The following RTN1 variants were observed in gnomAD, a reference collection of about 807,000 sequenced individuals.
The protein encoded by RTN1 is reticulon 1, also known as reticulon-1.
In RTN1, 25 loss-of-function variants were observed where a neutral mutation model predicts 65.5. The ratio of observed to expected loss-of-function variants is 0.38; its 90% CI spans 0.28 to 0.53. RTN1 has a LOEUF of 0.53. Among genes scored for constraint, RTN1 ranks in the 20% least tolerant of loss-of-function variants. The pLI, the probability that RTN1 is intolerant of heterozygous loss-of-function variation, is 0.79. For synonymous variants in RTN1, 471 were observed against 447.6 expected, an observed-to-expected ratio of 1.05 and a Z score of -0.66; for missense variants, 983 against 1,025.4, an observed-to-expected ratio of 0.96 and a Z score of 0.57.
In RTN1 at chr14:59,749,147, T is replaced by TATCC. The variant is rs1276478234; in HGVS notation, c.242-2667_242-2666insGGAT. Among the ~76,000 whole-genome samples the TATCC allele has an allele frequency of 3.5e-5, 4 of 113,134 alleles. 1 individual carries two copies. The highest frequency in any genetic ancestry group is 6.6e-5 in the Non-Finnish European group (4 of 60,610). 74.2% of individuals were successfully genotyped at this position (113,134 alleles called of 152,430 possible). Reference sequence around the variant, plus strand: ...ATAGATATATCTATATCTATCTATCTATCTATCTATATCTATCTATATATC... The same window carrying TATCC: ...ATAGATATATCTATATCTATCTATCTATCCATCTATCTATATCTATCTATATATC... On this transcript the variant is annotated intron_variant, in intron 1 of 8. Coordinates refer to ENST00000267484, the MANE Select transcript of RTN1 (RefSeq NM_021136.3).
At chr14:59,702,800 T>C (rs560313052) in intron 3 of RTN1, among the ~76,000 whole-genome samples, 19 of 152,324 alleles carry the variant, frequency 1.2e-4, no homozygotes, top group African/African-American at 3.8e-4. Context: ...TCCTCTGCTT[T>C]CACCCCATGG....
At chr14:59,828,004 A>G (rs1197615718) in intron 1 of RTN1, among the ~76,000 whole-genome samples, 1 of 152,228 alleles carries the variant, frequency 6.6e-6, no homozygotes, top group Non-Finnish European at 1.5e-5. Context: ...ATGTAAGACC[A>G]AAATAAGTTG....
intron 3 of RTN1, among the ~76,000 whole-genome samples, chr14:59,671,747 G>A (rs1214641376): frequency 1.3e-5 from 2 of 152,188 alleles, no homozygotes; most frequent in African/African-American, 4.8e-5. Context: ...AGGATCTAAA[G>A]CTTTTGAACC....
In RTN1 at chr14:59,774,747, G is replaced by C. The variant is rs185477746; in HGVS notation, c.242-28266C>G. 6.6e-5 allele frequency among the ~76,000 whole-genome samples: 10 copies of C among 152,288 alleles called. No individual in the cohort carries two copies. The highest frequency in any genetic ancestry group is 1.2e-4 in the Non-Finnish European group (8 of 68,022). On this transcript the variant is annotated intron_variant, in intron 1 of 8. Transcript: ENST00000267484. This position sits in a 1 kb window ranked among gnomAD's most constrained non-coding sequence, Gnocchi z 5.1. ...AGTCACCACTACTACAGTTGAGACT[G>C]AGGAGTGGTATGGTAAAATCAGCCA...
At chr14:59,783,816 C>A (rs1886200161) in intron 1 of RTN1, among the ~76,000 whole-genome samples, 2 of 147,342 alleles carry the variant, frequency 1.4e-5, no homozygotes, top group South Asian at 4.3e-4. Context: ...CAACAGCTAG[C>A]AAAATGCACT....
chr14:59,734,044 C>T (rs1884956319), intron 2 of RTN1, among the ~76,000 whole-genome samples: 1 of 152,240 alleles, frequency 6.6e-6, no homozygotes, highest in South Asian at 2.1e-4. Context: ...AGGCTGCCAT[C>T]TTTACTGTTT....
chr14:59,761,711 A>G (rs1885751454), intron 1 of RTN1, among the ~76,000 whole-genome samples: 1 of 152,192 alleles, frequency 6.6e-6, no homozygotes, highest in African/African-American at 2.4e-5. Context: ...AGGGAAATTT[A>G]TGGCCACACA....
At chr14:59,598,195 G>C (rs1208083701) in intron 8 of RTN1, among the ~76,000 whole-genome samples, 2 of 152,092 alleles carry the variant, frequency 1.3e-5, no homozygotes, top group African/African-American at 4.8e-5. Context: ...GAAGAGAGGG[G>C]AACAGTCTCA....
chr14:59,733,306 T>C (rs1238939016), intron 2 of RTN1, among the ~76,000 whole-genome samples: 1 of 152,216 alleles, frequency 6.6e-6, no homozygotes, highest in Admixed American at 6.5e-5. Context: ...TTGGCCATGC[T>C]GGTCTTGGAA....
Position 59,673,344 on chromosome 14 carries a change from CT to C in RTN1, c.1765+53574del, listed in dbSNP as rs202124204. Among the ~76,000 whole-genome samples, 953 of 152,176 alleles carry C rather than the reference CT, an allele frequency of 6.3e-3. 4 individuals carry two copies. Among genetic ancestry groups the C allele is most frequent in the Middle Eastern group, 0.02 (6 of 294 alleles). ...GAGGGAGTGGTACCCAGTGGCTTTG[CT>C]TTTTTGTGTCTGGAGCTAGGCAAAT... On this transcript the variant is annotated intron_variant, in intron 3 of 8. Coordinates refer to ENST00000267484, the MANE Select transcript of RTN1 (RefSeq NM_021136.3).
chr14:59,625,792 A>C (rs1482432442), intron 3 of RTN1, among the ~76,000 whole-genome samples: 3 of 152,184 alleles, frequency 2.0e-5, no homozygotes, highest in African/African-American at 7.2e-5. Context: ...CAAAGTTCGA[A>C]ATATTTCCTT....
chr14:59,784,297 C>T (rs370483005), intron 1 of RTN1, among the ~76,000 whole-genome samples: 11 of 152,074 alleles, frequency 7.2e-5, no homozygotes, highest in Admixed American at 2.6e-4. Context: ...CAAAATTAGC[C>T]GGGCGTGGTG....
At chr14:59,650,760 C>T (rs1311753831) in intron 3 of RTN1, among the ~76,000 whole-genome samples, 2 of 152,166 alleles carry the variant, frequency 1.3e-5, no homozygotes, top group Admixed American at 6.5e-5. Context: ...TCAGAGATAA[C>T]ACAAACAAAT....
At position 59,632,634 on chromosome 14, in the gene RTN1, G is replaced by A. The variant is rs544712587; in HGVS notation, c.1766-25142C>T. ...AGGTACCTTTACTGATGAGTATTGT[G>A]TCCACCACATTACGGGAAACAGCGT... is the stretch of plus-strand genomic sequence containing the variant. On this transcript the variant is annotated intron_variant, in intron 3 of 8. Transcript: ENST00000267484. 3.3e-5 allele frequency among the ~76,000 whole-genome samples: 5 copies of A among 152,252 alleles called. No homozygotes were observed. The South Asian group carries it at 1.0e-3, about 32-fold the overall frequency.
Position 59,769,213 on chromosome 14 carries a change from T to C in RTN1, c.242-22732A>G, listed in dbSNP as rs546481944. Reference sequence around the variant, plus strand: ...AGTAAATGTTAACTGAAAAGTATGATAGAAAGTCTTTTACATGAGGTCATG... The same window carrying C: ...AGTAAATGTTAACTGAAAAGTATGACAGAAAGTCTTTTACATGAGGTCATG... On this transcript the variant is annotated intron_variant, in intron 1 of 8. Transcript: ENST00000267484. 6.6e-5 allele frequency among the ~76,000 whole-genome samples: 10 copies of C among 152,314 alleles called. 1 individual carries two copies. The highest frequency in any genetic ancestry group is 2.0e-4 in the Admixed American group (3 of 15,300).
At chr14:59,792,609 G>A (rs1227983009) in intron 1 of RTN1, among the ~76,000 whole-genome samples, 1 of 152,068 alleles carries the variant, frequency 6.6e-6, no homozygotes, top group African/African-American at 2.4e-5. Flanking sequence ...TGAAAAAGGA[G>A]TCAAAATCGT....
chr14:59,713,584 A>G (rs1884469337), intron 3 of RTN1, among the ~76,000 whole-genome samples: 1 of 152,164 alleles, frequency 6.6e-6, no homozygotes, highest in South Asian at 2.1e-4. Flanking sequence ...AAAAAGTCAC[A>G]AGCATGTCTT....
intron 3 of RTN1, among the ~76,000 whole-genome samples, chr14:59,610,655 T>A (rs1268824585): frequency 6.6e-6 from 1 of 152,200 alleles, no homozygotes; most frequent in African/African-American, 2.4e-5. Flanking sequence ...GAAATTTAGT[T>A]TATAGTTTAA....
At chr14:59,781,898 G>A (rs190703854) in intron 1 of RTN1, among the ~76,000 whole-genome samples, 1 of 152,172 alleles carries the variant, frequency 6.6e-6, no homozygotes, top group Non-Finnish European at 1.5e-5. Flanking sequence ...ATTTCATGAA[G>A]ATATGATCCT....
Sources: gnomAD v4.1 joint callset for allele counts (sites outside exome capture counted in the v4.1 genomes callset) on GRCh38, gnomAD v4.1.1 for gene constraint, Gnocchi (gnomAD v3.1) non-coding constraint, MANE v1.5 for transcripts, NCBI Gene and HGNC (gene_info 2026-07-23, HGNC 2026-07-21) for gene names.